The following LRIG2 variants were observed in gnomAD, a reference collection of about 807,000 sequenced individuals.
LRIG2 encodes leucine rich repeats and immunoglobulin like domains 2.
A neutral mutation model predicts 107.8 loss-of-function variants in LRIG2; 93 were observed. The observed-to-expected ratio is 0.86, with a 90% confidence interval of 0.73 to 1.03. The LOEUF (loss-of-function observed/expected upper bound fraction) is 1.03. LRIG2 is among the 50% of genes least tolerant of loss of function. LRIG2 has a pLI of 0.00. For missense variants in LRIG2, 1,226 were observed against 1,296.0 expected (o/e 0.95, Z 0.83); for synonymous variants, 471 against 470.6 (o/e 1.00, Z -0.01).
chr1:113,086,564 C>T (rs777034937), intron 1 of LRIG2, among the ~76,000 whole-genome samples: 5 of 152,094 alleles, frequency 3.3e-5, no homozygotes, highest in South Asian at 2.1e-4. Flanking sequence ...TGTGACTGTG[C>T]GAAGAAAACC....
intron 4 of LRIG2, 28 bp downstream of exon 4, chr1:113,093,592 A>T (rs1313980864): frequency 1.8e-6 from 2 of 1,141,448 alleles, no homozygotes; most frequent in Non-Finnish European, 2.4e-6. Flanking sequence ...AATTAGATTT[A>T]CTTTAAAGCA....
chr1:113,112,411 C>CAAA, intron 13 of LRIG2, 68 bp from the exon 14 acceptor site: 1 of 1,413,172 alleles, frequency 7.1e-7, no homozygotes, highest in Non-Finnish European at 9.7e-7. Context: ...TCTTTCATGC[C>CAAA]TATTTGTATG....
chr1:113,073,653 G>C lies in LRIG2; in HGVS notation c.239+8G>C, dbSNP rs1309806408. ...CCCCGACACCGCTATCCTGTGAGTA[G>C]AGCGGCCAGGCAGAGTGACCAAAAG... is the stretch of plus-strand genomic sequence containing the variant. On this transcript the variant is annotated splice_region_variant and intron_variant, in intron 1 of 17. Coordinates refer to ENST00000361127, the MANE Select transcript of LRIG2 (RefSeq NM_014813.3). 6.2e-7 allele frequency: 1 copy of C among 1,606,036 alleles called. No homozygotes were observed. Among genetic ancestry groups the C allele is most frequent in the East Asian group, 2.2e-5 (1 of 44,720 alleles).
rs1250755883 is a variant in LRIG2 at position 113,129,595 on chromosome 1, T to A, written c.*5494T>A. 4 of 152,158 alleles carry A rather than the reference T, an allele frequency of 2.6e-5. No homozygotes were observed. The highest frequency in any genetic ancestry group is 5.9e-5 in the Non-Finnish European group (4 of 68,046). 9.4% of individuals were successfully genotyped at this position (152,158 alleles called of 1,614,324 possible). ...CTGAAACTTTTCATTATTGCATATG[T>A]TTCTGATCAAGCAATATGTTAACCC... On this transcript the variant is annotated 3_prime_UTR_variant, in exon 18 of 18. Transcript: ENST00000361127.
chr1:113,092,989 C>CA (rs909519870), intron 2 of LRIG2, among the ~76,000 whole-genome samples: 17 of 123,968 alleles, frequency 1.4e-4, no homozygotes, highest in South Asian at 5.3e-4. Flanking sequence ...AACTCTGTTT[C>CA]AAAAAAAAAA....
chr1:113,103,863 G>C (rs1654415432), intron 11 of LRIG2: 1 of 152,246 alleles, frequency 6.6e-6, no homozygotes, highest in Non-Finnish European at 1.5e-5. Flanking sequence ...CTTTTGAAAG[G>C]TACCTCCTGG....
chr1:113,096,492 A>G (rs1227478796), intron 8 of LRIG2, 127 bp downstream of exon 8: 8 of 988,130 alleles, frequency 8.1e-6, no homozygotes, highest in South Asian at 8.1e-5. Flanking sequence ...CTTCTGTCCT[A>G]TGCCTCAGAG....
intron 13 of LRIG2, 32 bp from the exon 14 acceptor site, chr1:113,112,447 C>T: frequency 6.3e-7 from 1 of 1,583,618 alleles, no homozygotes; most frequent in Non-Finnish European, 8.6e-7. Context: ...GTTCCCTTGC[C>T]CACTTTTTCT....
chr1:113,102,579 AT>A (rs879906879), intron 11 of LRIG2, among the ~76,000 whole-genome samples: 168 of 145,246 alleles, frequency 1.2e-3, no homozygotes, highest in Admixed American at 1.2e-3. Context: ...CTGTCAAGAT[AT>A]TTTTTTTTTT....
chr1:113,123,964 C>A lies in LRIG2; in HGVS notation c.3061C>A (p.Gln1021Lys). 6.2e-7 allele frequency: 1 copy of A among 1,614,140 alleles called. No individual in the cohort carries two copies. The highest frequency in any genetic ancestry group is 1.1e-5 in the South Asian group (1 of 91,080). ...FSQQPVHESP[Q>K]LHQNEGLAGR... ...CCAGCAGCCAGTCCATGAGTCACCA[C>A]AACTTCATCAAAATGAGGGCCTGGC... The change falls in exon 18 of 18, where the codon CAA becomes AAA. Residue 1021 changes from glutamine to lysine, a missense_variant. Gln to Lys is a moderately conservative substitution (Grantham distance 53). Coordinates refer to ENST00000361127, the MANE Select transcript of LRIG2 (RefSeq NM_014813.3).
At chr1:113,110,160 A>G in intron 12 of LRIG2, 82 bp from the exon 13 acceptor site, 1 of 996,006 alleles carries the variant, frequency 1.0e-6, no homozygotes, top group Non-Finnish European at 1.5e-6. Context: ...CAGAACACAC[A>G]ATTTTATAGT....
intron 14 of LRIG2, among the ~76,000 whole-genome samples, chr1:113,114,023 T>C (rs1654889282): frequency 1.3e-5 from 2 of 152,368 alleles, no homozygotes; most frequent in South Asian, 4.1e-4. Flanking sequence ...TAAAAGATCA[T>C]GTGACTATAA....
In LRIG2 at chr1:113,091,355, A is replaced by G. The variant is rs756424324; in HGVS notation, c.277A>G (p.Ser93Gly). The change falls in exon 2 of 18, where the codon AGC becomes GGC. Residue 93 changes from serine (S) to glycine (G), a missense_variant. Ser to Gly is a moderately conservative substitution (Grantham distance 56). Around this residue, in one of 3 missense-constraint regions of LRIG2, gnomAD observed 570 missense variants for 550.2 expected, o/e 1.04. Transcript: ENST00000361127. Reference sequence around the variant, plus strand: ...TAATCGGTTGTCTAACTGGAACATCAGCTTGGAATCACAAACATTACAGGA... The same window carrying G: ...TAATCGGTTGTCTAACTGGAACATCGGCTTGGAATCACAAACATTACAGGA... Reference protein sequence around the residue: ...SHNRLSNWNISLESQTLQEVK... With the variant: ...SHNRLSNWNIGLESQTLQEVK... 6.2e-7 allele frequency: 1 copy of G among 1,603,880 alleles called. No homozygotes were observed.
At position 113,075,350 on chromosome 1, in the gene LRIG2, AG is replaced by A. The variant is rs541978698; in HGVS notation, c.239+1707del. Among the ~76,000 whole-genome samples the A allele has an allele frequency of 9.5e-4, 144 of 152,362 alleles. 5 individuals are homozygous for A. The East Asian group carries it at 0.024, about 25-fold the overall frequency. ...AAGAAGTATTTATATATTTGCAAAT[AG>A]GTTAGCACAGATAGGAAAGAAAGCT... On this transcript the variant is annotated intron_variant, in intron 1 of 17. Coordinates refer to ENST00000361127, the MANE Select transcript of LRIG2 (RefSeq NM_014813.3).
In LRIG2 at chr1:113,095,906, A is replaced by AC; in HGVS notation, c.837dup (p.Lys280GlnfsTer21). The AC allele has an allele frequency of 6.2e-7, 1 of 1,614,234 alleles. No homozygotes were observed. The highest frequency in any genetic ancestry group is 1.6e-4 in the Middle Eastern group (1 of 6,062). On this transcript the variant is annotated frameshift_variant, in exon 7 of 18. Transcript: ENST00000361127. LOFTEE classifies it high-confidence loss of function. ...GAACACAACAACCTTACACGAGTAA[A>AC]CAAGGGGTGGTTGTATGGCTTGCGA...
At position 113,073,234 on chromosome 1, in the gene LRIG2, C is replaced by A; in HGVS notation, c.-173C>A. ...GTCCGTCAGGCCGTGTGTCCCAGGCCGTCGACCCCGCTGTCGCGCTGCGTC... is the reference window on the plus strand; with the variant it reads ...GTCCGTCAGGCCGTGTGTCCCAGGCAGTCGACCCCGCTGTCGCGCTGCGTC... On this transcript the variant is annotated 5_prime_UTR_variant, in exon 1 of 18. Transcript: ENST00000361127. The A allele has an allele frequency of 1.6e-6, 1 of 626,412 alleles. No homozygotes were observed. The highest frequency in any genetic ancestry group is 2.8e-5 in the Admixed American group (1 of 35,234). 38.8% of individuals were successfully genotyped at this position (626,412 alleles called of 1,614,324 possible).
intron 13 of LRIG2, among the ~76,000 whole-genome samples, chr1:113,112,247 T>C (rs1002607776): frequency 3.3e-5 from 5 of 152,172 alleles, no homozygotes; most frequent in Non-Finnish European, 7.3e-5. Context: ...GAGCTATGAT[T>C]GCGCCAGTGT....
At position 113,094,853 on chromosome 1, in the gene LRIG2, C is replaced by T. The variant is rs746008678; in HGVS notation, c.803+98C>T. 1,375 of 1,113,736 alleles carry T rather than the reference C, an allele frequency of 1.2e-3. 4 individuals are homozygous for T. The highest frequency in any genetic ancestry group is 1.3e-3 in the Non-Finnish European group (1,012 of 793,190). 69.0% of individuals were successfully genotyped at this position (1,113,736 alleles called of 1,614,324 possible). On this transcript the variant is annotated intron_variant, in intron 6 of 17. Coordinates refer to ENST00000361127, the MANE Select transcript of LRIG2 (RefSeq NM_014813.3). The stretch of plus-strand genomic sequence containing the variant: ...GGTAGTTGTTCTGATTATAGAGATA[C>T]ATTCATTCATTCCCTGGTCACTGAT...
rs762074347 is a variant in LRIG2 at position 113,073,367 on chromosome 1, C to T, written c.-40C>T. 6.6e-7 allele frequency: 1 copy of T among 1,517,712 alleles called. No individual in the cohort carries two copies. The highest frequency in any genetic ancestry group is 9.1e-7 in the Non-Finnish European group (1 of 1,098,404). 94.0% of individuals were successfully genotyped at this position (1,517,712 alleles called of 1,614,324 possible). On this transcript the variant is annotated 5_prime_UTR_variant, in exon 1 of 18. Coordinates refer to ENST00000361127, the MANE Select transcript of LRIG2 (RefSeq NM_014813.3). ...TTCTCCGCCGATCCTCCTTTTCTAG[C>T]AGGCAGCTCTTCTAGGCCACGTCCA...
Sources: allele counts gnomAD v4.1 joint callset (sites outside exome capture counted in the v4.1 genomes callset), GRCh38; gene constraint gnomAD v4.1.1; regional missense constraint gnomAD v4.1.1; transcripts MANE v1.5; gene names NCBI Gene and HGNC (gene_info 2026-07-23, HGNC 2026-07-21).